The following C6orf118 variants were observed in gnomAD, a reference collection of about 807,000 sequenced individuals.
The protein encoded by C6orf118 is chromosome 6 open reading frame 118.
In C6orf118, 50 loss-of-function variants were observed where a neutral mutation model predicts 50.2. The ratio of observed to expected loss-of-function variants is 1.00; its 90% CI spans 0.79 to 1.26. The LOEUF is 1.26. Among genes scored for constraint, C6orf118 ranks in the 50% most tolerant of loss-of-function variants. The pLI is 0.00. For missense variants in C6orf118, 641 were observed against 578.7 expected, an observed-to-expected ratio of 1.11 and a Z score of -1.10; for synonymous variants, 239 against 230.9, an observed-to-expected ratio of 1.03 and a Z score of -0.32.
chr6:165,302,232 G>A lies in C6orf118; in HGVS notation c.90C>T (p.Cys30=), dbSNP rs763302479. The change falls in exon 2 of 9, where the codon TGC becomes TGT. Residue 30 remains cysteine, a synonymous_variant. Transcript: ENST00000230301. Reference sequence around the variant, plus strand: ...ACAGGGTCTTCACTCCTGGCGTCTCGCAGTGCTTCAGATTACACAGGGTCT... The same window carrying A: ...ACAGGGTCTTCACTCCTGGCGTCTCACAGTGCTTCAGATTACACAGGGTCT... ...GVKTLCNLKH[C]ETPGVKTLCN... is the part of the protein sequence containing the mutation. 2.4e-5 allele frequency: 38 copies of A among 1,613,672 alleles called. No homozygotes were observed. Among genetic ancestry groups the A allele is most frequent in the Admixed American group, 6.7e-5 (4 of 59,986 alleles).
chr6:165,301,954 G>A lies in C6orf118; in HGVS notation c.368C>T (p.Ala123Val). ...GTACCTGAACAGCGGGGTGTCCTGG[G>A]CCTCACTGGGGACCAGGGCCGTGTG... ...TIHTALVPSE[A>V]QDTPLFRYLN... The change falls in exon 2 of 9, where the codon GCC (alanine) becomes GTC (valine). Residue 123 changes from alanine to valine, a missense_variant. Transcript: ENST00000230301. 2 of 1,613,812 alleles carry A rather than the reference G, an allele frequency of 1.2e-6. No individual in the cohort carries two copies. The highest frequency in any genetic ancestry group is 1.7e-6 in the Non-Finnish European group (2 of 1,180,008).
chr6:165,295,268 G>T (rs551621058), intron 5 of C6orf118, among the ~76,000 whole-genome samples: 1 of 151,790 alleles, frequency 6.6e-6, no homozygotes. Context: ...TTTTTTCCTC[G>T]GTTTTTATCT....
intron 1 of C6orf118, 71 bp downstream of exon 1, chr6:165,309,491 A>T: frequency 6.6e-7 from 1 of 1,521,876 alleles, no homozygotes; most frequent in African/African-American, 1.4e-5. Flanking sequence ...CAGTCTTCAG[A>T]AGCCCATCCC....
intron 7 of C6orf118, among the ~76,000 whole-genome samples, chr6:165,284,516 T>C (rs916690982): frequency 6.6e-6 from 1 of 152,052 alleles, no homozygotes; most frequent in Non-Finnish European, 1.5e-5. Flanking sequence ...CCAATATACA[T>C]AATCATCAGA....
chr6:165,298,211 A>T, intron 4 of C6orf118, 110 bp from the exon 5 acceptor site: 3 of 1,304,014 alleles, frequency 2.3e-6, no homozygotes, highest in East Asian at 3.0e-5. Context: ...TTAACATATA[A>T]GTTCTAGTTA....
At chr6:165,309,292 G>C (rs1171489520) in intron 1 of C6orf118, among the ~76,000 whole-genome samples, 1 of 152,080 alleles carries the variant, frequency 6.6e-6, no homozygotes, top group Non-Finnish European at 1.5e-5. Context: ...TCCAACACAC[G>C]GCGCGTCCGT....
intron 6 of C6orf118, among the ~76,000 whole-genome samples, chr6:165,292,702 G>A (rs2128159622): frequency 6.6e-6 from 1 of 152,320 alleles, no homozygotes; most frequent in African/African-American, 2.4e-5. Context: ...GGAAGGAGAA[G>A]CAGAGTCAGC....
chr6:165,286,438 A>G (rs1242260780), intron 7 of C6orf118, among the ~76,000 whole-genome samples: 4 of 152,190 alleles, frequency 2.6e-5, no homozygotes, highest in Non-Finnish European at 5.9e-5. Flanking sequence ...TGAGGCCCGC[A>G]TCATCCTGGT....
At chr6:165,302,435 C>G in intron 1 of C6orf118, 139 bp from the exon 2 acceptor site, 2 of 1,132,526 alleles carry the variant, frequency 1.8e-6, no homozygotes, top group Non-Finnish European at 2.5e-6. Flanking sequence ...CATGGCCCAG[C>G]CCTTAAAAGT....
intron 3 of C6orf118, among the ~76,000 whole-genome samples, chr6:165,299,849 A>T (rs1204827337): frequency 1.3e-5 from 2 of 152,104 alleles, no homozygotes; most frequent in Non-Finnish European, 2.9e-5. Flanking sequence ...ACGCCCAGCT[A>T]ATTTTTGTAT....
chr6:165,307,728 T>G (rs1736555444), intron 1 of C6orf118, among the ~76,000 whole-genome samples: 1 of 150,748 alleles, frequency 6.6e-6, no homozygotes, highest in Non-Finnish European at 1.5e-5. Flanking sequence ...TCCTAAGAAA[T>G]GTACTTCTGG....
chr6:165,281,627 A>C lies in C6orf118; in HGVS notation c.1356+13T>G. 6.7e-7 allele frequency: 1 copy of C among 1,494,896 alleles called. No homozygotes were observed. The highest frequency in any genetic ancestry group is 8.9e-7 in the Non-Finnish European group (1 of 1,118,426). 92.6% of individuals were successfully genotyped at this position (1,494,896 alleles called of 1,614,324 possible). A position where few individuals can be genotyped will look rare whatever the true frequency, so the allele number is the denominator to read the frequency against. On this transcript the variant is annotated intron_variant, in intron 8 of 8. Coordinates refer to ENST00000230301, the MANE Select transcript of C6orf118 (RefSeq NM_144980.4). The stretch of plus-strand genomic sequence containing the variant: ...TTTTTATTGATAAACATTGATTCAC[A>C]CAAAAAACTTACTTTTATTTTCTTC...
In C6orf118 at chr6:165,299,508, C is replaced by T; in HGVS notation, c.877-6G>A. On this transcript the variant is annotated splice_polypyrimidine_tract_variant and splice_region_variant and intron_variant, in intron 3 of 8. Transcript: ENST00000230301. ...ATGTAGAGTTCATATTCATCCTGTA[C>T]AGAAACAAACAAAAGTCCACTGGCC... 4 of 1,613,788 alleles carry T rather than the reference C, an allele frequency of 2.5e-6. No individual in the cohort carries two copies. Among genetic ancestry groups the T allele is most frequent in the South Asian group, 2.2e-5 (2 of 91,044 alleles).
intron 7 of C6orf118, among the ~76,000 whole-genome samples, chr6:165,288,280 A>G (rs1050209541): frequency 6.6e-6 from 1 of 152,204 alleles, no homozygotes; most frequent in African/African-American, 2.4e-5. Flanking sequence ...GTCAAGATAC[A>G]ACAGATGCTG....
intron 1 of C6orf118, 69 bp from the exon 2 acceptor site, chr6:165,302,365 G>A: frequency 1.3e-6 from 2 of 1,532,422 alleles, no homozygotes; most frequent in South Asian, 1.2e-5. Context: ...CTGGTGCACT[G>A]GCTGAGAGGC....
intron 7 of C6orf118, among the ~76,000 whole-genome samples, chr6:165,285,783 G>A (rs1779883227): frequency 6.6e-6 from 1 of 151,990 alleles, no homozygotes; most frequent in South Asian, 2.1e-4. Flanking sequence ...AGCAGTGTTA[G>A]AGGGAAATTT....
chr6:165,286,804 C>T (rs1265163643), intron 7 of C6orf118, among the ~76,000 whole-genome samples: 1 of 152,090 alleles, frequency 6.6e-6, no homozygotes, highest in Non-Finnish European at 1.5e-5. Flanking sequence ...TATGACAAAC[C>T]TACATCCAAT....
At position 165,280,106 on chromosome 6, in the gene C6orf118, G is replaced by A; in HGVS notation, c.1361C>T (p.Pro454Leu). The change falls in exon 9 of 9, where the codon CCT (proline) becomes CTT (leucine). Residue 454 changes from proline to leucine, a missense_variant. Pro to Leu is a moderately conservative substitution (Grantham distance 98). Coordinates refer to ENST00000230301, the MANE Select transcript of C6orf118 (RefSeq NM_144980.4). ...ACAAATTCCTTGATAAATTTCCAAAGGCCCCTTAAAATACATAAGAAATGA... is the reference window on the plus strand; with the variant it reads ...ACAAATTCCTTGATAAATTTCCAAAAGCCCCTTAAAATACATAAGAAATGA... Reference protein sequence around the residue: ...NMILKKKIKGPLEIYQGICKI... With the variant: ...NMILKKKIKGLLEIYQGICKI... 1 of 1,604,774 alleles carries A rather than the reference G, an allele frequency of 6.2e-7. No homozygotes were observed. The highest frequency in any genetic ancestry group is 8.5e-7 in the Non-Finnish European group (1 of 1,176,248).
At chr6:165,282,098 G>C (rs1175151257) in intron 7 of C6orf118, 1 of 153,716 alleles carries the variant, frequency 6.5e-6, no homozygotes, top group African/African-American at 2.4e-5. Flanking sequence ...TAAATTACCA[G>C]TTATAATAGT....
Sources: gnomAD v4.1 joint callset for allele counts (sites outside exome capture counted in the v4.1 genomes callset) on GRCh38, gnomAD v4.1.1 for gene constraint, MANE v1.5 for transcripts, NCBI Gene and HGNC (gene_info 2026-07-23, HGNC 2026-07-21) for gene names.